Variants in COP1 observed in about 807,000 individuals in gnomAD.
COP1 encodes the protein E3 ubiquitin-protein ligase COP1.
In COP1, 24 loss-of-function variants were observed where a neutral mutation model predicts 101.3. The ratio of observed to expected loss-of-function variants is 0.24; its 90% CI spans 0.17 to 0.33. The LOEUF (loss-of-function observed/expected upper bound fraction) is 0.33, where lower values mean the gene tolerates loss of function less well. Ranked by LOEUF, COP1 falls within the 10% of genes least tolerant of loss-of-function variation. The pLI is 1.00. For missense variants in COP1, 663 were observed against 906.2 expected, an observed-to-expected ratio of 0.73 and a Z score of 3.45; for synonymous variants, 347 against 341.9, an observed-to-expected ratio of 1.01 and a Z score of -0.17.
chr1:176,187,899 G>A (rs1483836557), intron 1 of COP1, among the ~76,000 whole-genome samples: 2 of 152,024 alleles, frequency 1.3e-5, no homozygotes, highest in African/African-American at 4.8e-5. Context: ...TAACCCCCAA[G>A]GTGGTGTTAA....
Position 176,108,701 on chromosome 1 carries a change from C to T in COP1, c.1026+7923G>A, listed in dbSNP as rs183189228. On this transcript the variant is annotated intron_variant, in intron 9 of 19. Transcript: ENST00000367669. ...GTATCTAGTATTATTCTATATTTTG[C>T]TTTTATTTATTTGCAAAAATTGAGT... Among the ~76,000 whole-genome samples the T allele has an allele frequency of 2.2e-4, 34 of 151,958 alleles. No homozygotes were observed. In the East Asian group the frequency reaches 6.2e-3, roughly 28 times the overall value.
At chr1:176,052,424 T>A (rs914546405) in intron 11 of COP1, among the ~76,000 whole-genome samples, 7 of 152,148 alleles carry the variant, frequency 4.6e-5, no homozygotes, top group Non-Finnish European at 1.0e-4. Flanking sequence ...TGAAACAGCC[T>A]CCTTATCAAG....
chr1:176,150,133 T>G (rs958577395), intron 5 of COP1, among the ~76,000 whole-genome samples: 8 of 152,180 alleles, frequency 5.3e-5, no homozygotes, highest in Non-Finnish European at 1.0e-4. Context: ...AATTAAAATC[T>G]GAAGAATCAC....
chr1:176,054,007 C>A (rs1673014766), intron 11 of COP1, among the ~76,000 whole-genome samples: 1 of 152,080 alleles, frequency 6.6e-6, no homozygotes, highest in South Asian at 2.1e-4. Flanking sequence ...AATTCATGAT[C>A]ACTATCCTTA....
At position 175,944,887 on chromosome 1, in the gene COP1, T is replaced by C. The variant is rs555239873; in HGVS notation, c.*266A>G. The C allele has an allele frequency of 6.9e-5, 29 of 419,938 alleles. No homozygotes were observed. The highest frequency in any genetic ancestry group is 5.4e-4 in the African/African-American group (26 of 48,310). 26.0% of individuals were successfully genotyped at this position (419,938 alleles called of 1,614,324 possible). ...TTTATTTTTATTCAAAAGAATTTGT[T>C]TCCCTATCACAAAAATTAGATAACA... On this transcript the variant is annotated 3_prime_UTR_variant, in exon 20 of 20. Coordinates refer to ENST00000367669, the MANE Select transcript of COP1 (RefSeq NM_022457.7).
chr1:176,136,147 T>G (rs1572453890), intron 7 of COP1, among the ~76,000 whole-genome samples: 1 of 152,054 alleles, frequency 6.6e-6, no homozygotes, highest in Admixed American at 6.6e-5. Context: ...ATGCACAGAG[T>G]AGGTATGTAA....
chr1:176,188,532 T>C (rs766940390), intron 1 of COP1, among the ~76,000 whole-genome samples: 1 of 152,194 alleles, frequency 6.6e-6, no homozygotes, highest in African/African-American at 2.4e-5. Context: ...GGCAACCCTG[T>C]GCTGAGCGAG....
At chr1:176,052,958 T>C (rs1487193005) in intron 11 of COP1, among the ~76,000 whole-genome samples, 1 of 152,138 alleles carries the variant, frequency 6.6e-6, no homozygotes, top group Non-Finnish European at 1.5e-5. Context: ...ATCAAATTAT[T>C]TAACCAGGAA....
At chr1:176,090,766 A>G (rs1681129060) in intron 9 of COP1, among the ~76,000 whole-genome samples, 1 of 152,236 alleles carries the variant, frequency 6.6e-6, no homozygotes, top group South Asian at 2.1e-4. Flanking sequence ...AAGGCATAAA[A>G]GAATAATAGT....
At chr1:175,993,994 G>A (rs1659401482) in intron 15 of COP1, among the ~76,000 whole-genome samples, 1 of 152,190 alleles carries the variant, frequency 6.6e-6, no homozygotes, top group South Asian at 2.1e-4. Context: ...CAGCCAGAGA[G>A]AAAGGTCGGG....
Position 176,043,650 on chromosome 1 carries a change from A to G in COP1, c.1530+60T>C, listed in dbSNP as rs1391919344. ...GTAATTATAAGGCACATGAAGTTCT[A>G]AAAGTTTTAACAAACCAAATGTATG... On this transcript the variant is annotated intron_variant, in intron 13 of 19. Transcript: ENST00000367669. 4.0e-6 allele frequency: 4 copies of G among 1,000,630 alleles called. No individual in the cohort carries two copies. The Admixed American group carries it at 5.6e-5, about 14-fold the overall frequency. The allele number at this position is 1,000,630 out of a possible 1,614,324, so 62.0% of individuals were successfully genotyped here.
chr1:175,968,429 A>G (rs1652531858), intron 18 of COP1: 1 of 518,656 alleles, frequency 1.9e-6, no homozygotes, highest in African/African-American at 1.9e-5. Context: ...AGACTTAGCC[A>G]GCTGTCCTAA....
At chr1:176,009,553 AC>A (rs1213224265) in intron 15 of COP1, among the ~76,000 whole-genome samples, 4 of 152,228 alleles carry the variant, frequency 2.6e-5, no homozygotes, top group African/African-American at 9.6e-5. Context: ...GAAGGTTTTT[AC>A]AGTGAGTTAT....
intron 11 of COP1, among the ~76,000 whole-genome samples, chr1:176,061,498 C>T (rs1674831443): frequency 6.6e-6 from 1 of 152,152 alleles, no homozygotes. Context: ...TGGTGGCGTG[C>T]GCCTGTAATC....
intron 3 of COP1, among the ~76,000 whole-genome samples, chr1:176,173,292 C>G (rs1696370525): frequency 8.3e-6 from 1 of 121,154 alleles, no homozygotes; most frequent in Non-Finnish European, 1.6e-5. Flanking sequence ...GCCTGGGTGA[C>G]AGTGCGAGAC....
chr1:176,144,642 T>C (rs1558196855), intron 6 of COP1, among the ~76,000 whole-genome samples: 1 of 152,120 alleles, frequency 6.6e-6, no homozygotes, highest in Non-Finnish European at 1.5e-5. Context: ...AGCAACTTAA[T>C]TCAAAGCTCT....
chr1:176,125,102 CG>C (rs761936648), intron 8 of COP1, among the ~76,000 whole-genome samples: 113 of 62,716 alleles, frequency 1.8e-3, no homozygotes, highest in Non-Finnish European at 4.0e-3. Context: ...AATGATTATT[CG>C]ATTTTTTTTT....
intron 5 of COP1, among the ~76,000 whole-genome samples, chr1:176,154,069 C>G (rs1352584271): frequency 3.9e-5 from 6 of 152,164 alleles, no homozygotes; most frequent in Non-Finnish European, 8.8e-5. Flanking sequence ...TGCTGTGTCT[C>G]TGCCAGGTTT....
At chr1:176,084,630 CTGTT>C (rs1211929798) in intron 10 of COP1, among the ~76,000 whole-genome samples, 7 of 152,192 alleles carry the variant, frequency 4.6e-5, no homozygotes, top group Non-Finnish European at 1.0e-4. Context: ...AGCATAAAAA[CTGTT>C]TGTTGTTAAT....
Sources: gnomAD v4.1 joint callset for allele counts (sites outside exome capture counted in the v4.1 genomes callset) on GRCh38, gnomAD v4.1.1 for gene constraint, MANE v1.5 for transcripts, NCBI Gene and HGNC (gene_info 2026-07-23, HGNC 2026-07-21) for gene names.